Variants in KCNB2 observed in about 807,000 individuals in gnomAD.
KCNB2 encodes the protein delayed rectifier potassium channel protein.
Under a neutral mutation model 61.5 loss-of-function variants are expected in KCNB2, and 15 were observed. That is an observed-to-expected ratio of 0.24 (90% CI 0.16 to 0.38). The LOEUF (loss-of-function observed/expected upper bound fraction) is 0.38, where lower values mean the gene tolerates loss of function less well. Ranked by LOEUF, KCNB2 falls within the 10% of genes least tolerant of loss-of-function variation. The probability of loss-of-function intolerance (pLI) is 1.00; values close to 1 mark genes in which losing one functional copy is unlikely to be tolerated. For missense variants in KCNB2, 828 were observed against 1,125.2 expected, an observed-to-expected ratio of 0.74 and a Z score of 3.78; for synonymous variants, 457 against 446.0, an observed-to-expected ratio of 1.02 and a Z score of -0.31.
In KCNB2 at chr8:72,900,923, A is replaced by T. The variant is rs1056029840; in HGVS notation, c.580-35012A>T. On this transcript the variant is annotated intron_variant, in intron 2 of 2. Transcript: ENST00000523207. The stretch of plus-strand genomic sequence containing the variant: ...ATGTAATTGGTTCAGTCTCTGTGGA[A>T]AGCAGTTTGAAAGTTTCTCAAAGAG... 4.6e-5 allele frequency among the ~76,000 whole-genome samples: 7 copies of T among 152,322 alleles called. No individual in the cohort carries two copies. In the East Asian group the frequency reaches 1.4e-3, roughly 29 times the overall value.
At chr8:72,583,932 TACA>T (rs1316913809) in intron 2 of KCNB2, among the ~76,000 whole-genome samples, 1 of 116,790 alleles carries the variant, frequency 8.6e-6, no homozygotes, top group Non-Finnish European at 1.7e-5. Context: ...TTTCAACAGT[TACA>T]ACAATAGAAT....
At chr8:72,561,699 A>ATGTG (rs1423331750) in intron 1 of KCNB2, among the ~76,000 whole-genome samples, 1 of 18,780 alleles carries the variant, frequency 5.3e-5, no homozygotes, top group Non-Finnish European at 7.6e-5. Flanking sequence ...TTTTATATAT[A>ATGTG]TATATATATA....
chr8:72,753,739 T>C (rs1808241244), intron 2 of KCNB2, among the ~76,000 whole-genome samples: 1 of 152,204 alleles, frequency 6.6e-6, no homozygotes, highest in South Asian at 2.1e-4. Flanking sequence ...CTCTTTCCAC[T>C]AAACCACTGC....
chr8:72,750,141 G>C (rs1342017678), intron 2 of KCNB2: 1 of 152,014 alleles, frequency 6.6e-6, no homozygotes, highest in Non-Finnish European at 1.5e-5. Context: ...GGTCACAACT[G>C]TATATAACCT....
chr8:72,899,552 C>T (rs1806051437), intron 2 of KCNB2, among the ~76,000 whole-genome samples: 1 of 152,108 alleles, frequency 6.6e-6, no homozygotes, highest in Admixed American at 6.5e-5. Flanking sequence ...AATCAATGTA[C>T]AAAAATCAGT....
At chr8:72,801,173 A>G (rs1809119466) in intron 2 of KCNB2, among the ~76,000 whole-genome samples, 1 of 152,242 alleles carries the variant, frequency 6.6e-6, no homozygotes, top group African/African-American at 2.4e-5. Flanking sequence ...AGTCTTTTGA[A>G]TTAAAAATAT....
intron 2 of KCNB2, among the ~76,000 whole-genome samples, chr8:72,625,425 T>C (rs568191657): frequency 5.3e-5 from 8 of 152,224 alleles, no homozygotes; most frequent in African/African-American, 1.9e-4. Context: ...AAATATTTAT[T>C]TTTAACTTTT....
intron 2 of KCNB2, among the ~76,000 whole-genome samples, chr8:72,623,951 C>T (rs903480250): frequency 1.3e-5 from 2 of 152,102 alleles, no homozygotes; most frequent in African/African-American, 4.8e-5. Context: ...TCTTTCATGT[C>T]CCCCCAGATG....
intron 2 of KCNB2, among the ~76,000 whole-genome samples, chr8:72,913,127 T>C (rs1394368444): frequency 2.6e-5 from 4 of 152,192 alleles, no homozygotes; most frequent in Non-Finnish European, 5.9e-5. Context: ...AAAGATAAGT[T>C]ATTTTATCTC....
chr8:72,865,744 A>G (rs1805506679), intron 2 of KCNB2, among the ~76,000 whole-genome samples: 1 of 143,672 alleles, frequency 7.0e-6, no homozygotes, highest in Non-Finnish European at 1.6e-5. Flanking sequence ...TCTTCAACTC[A>G]CTGCCTCTTA....
Position 72,711,117 on chromosome 8 carries a change from G to A in KCNB2, c.579+142804G>A, listed in dbSNP as rs115843937. 9.7e-3 allele frequency among the ~76,000 whole-genome samples: 1,473 copies of A among 152,336 alleles called. 25 individuals carry two copies. Among genetic ancestry groups the A allele is most frequent in the African/African-American group, 0.032 (1,346 of 41,576 alleles). On this transcript the variant is annotated intron_variant, in intron 2 of 2. Transcript: ENST00000523207. Reference sequence around the variant, plus strand: ...CTGACTGATGGAGCGCCAGTATCTAGAAAGTTGCTGATTCTCATGGCAGAG... The same window carrying A: ...CTGACTGATGGAGCGCCAGTATCTAAAAAGTTGCTGATTCTCATGGCAGAG...
chr8:72,628,167 T>A lies in KCNB2; in HGVS notation c.579+59854T>A, dbSNP rs546955595. Among the ~76,000 whole-genome samples, 55 of 152,310 alleles carry A rather than the reference T, an allele frequency of 3.6e-4. No homozygotes were observed. The East Asian group carries it at 0.01, about 28-fold the overall frequency. On this transcript the variant is annotated intron_variant, in intron 2 of 2. Transcript: ENST00000523207. ...CAGGGTTTTGGCATGTTGCCCAGGC[T>A]GCTCTCAAACTCCTGGCCTCATGTC...
At chr8:72,604,165 T>C (rs1215039729) in intron 2 of KCNB2, among the ~76,000 whole-genome samples, 5 of 152,206 alleles carry the variant, frequency 3.3e-5, no homozygotes, top group Non-Finnish European at 7.3e-5. Flanking sequence ...TTTTCTCATC[T>C]GTAAAATGGT....
In KCNB2 at chr8:72,613,050, A is replaced by G. The variant is rs184642306; in HGVS notation, c.579+44737A>G. Reference sequence around the variant, plus strand: ...CAATCTCACAAATAAATGTCGTGGAATAAAAGAAAACTAGATAACAATGGC... The same window carrying G: ...CAATCTCACAAATAAATGTCGTGGAGTAAAAGAAAACTAGATAACAATGGC... On this transcript the variant is annotated intron_variant, in intron 2 of 2. Transcript: ENST00000523207. Among the ~76,000 whole-genome samples, 50 of 152,338 alleles carry G rather than the reference A, an allele frequency of 3.3e-4. 1 individual carries two copies. The highest frequency in any genetic ancestry group is 2.7e-3 in the Admixed American group (41 of 15,292).
At chr8:72,865,681 G>C (rs1475918634) in intron 2 of KCNB2, among the ~76,000 whole-genome samples, 4 of 152,138 alleles carry the variant, frequency 2.6e-5, no homozygotes, top group African/African-American at 4.8e-5. Context: ...TTGACTTTCA[G>C]AGTTGCCAAC....
intron 2 of KCNB2, among the ~76,000 whole-genome samples, chr8:72,589,685 G>T (rs1807062512): frequency 6.6e-6 from 1 of 151,914 alleles, no homozygotes; most frequent in African/African-American, 2.4e-5. Context: ...GAATTTTTCA[G>T]GAATACAACA....
intron 2 of KCNB2, among the ~76,000 whole-genome samples, chr8:72,796,306 T>C (rs1048157305): frequency 3.9e-5 from 6 of 152,198 alleles, no homozygotes; most frequent in Non-Finnish European, 7.3e-5. Flanking sequence ...CATATCTCCC[T>C]GGGTTTTCAT....
chr8:72,840,104 C>T (rs1809855313), intron 2 of KCNB2, among the ~76,000 whole-genome samples: 1 of 152,108 alleles, frequency 6.6e-6, no homozygotes, highest in African/African-American at 2.4e-5. Context: ...TGTTCCCCTC[C>T]CTGTGTCCAT....
At chr8:72,797,589 T>C (rs1198366197) in intron 2 of KCNB2, among the ~76,000 whole-genome samples, 2 of 152,196 alleles carry the variant, frequency 1.3e-5, no homozygotes, top group Admixed American at 6.5e-5. Flanking sequence ...AGTAGCTTAA[T>C]AAAGTGAAAT....
Sources: allele counts gnomAD v4.1 joint callset (sites outside exome capture counted in the v4.1 genomes callset), GRCh38; gene constraint gnomAD v4.1.1; transcripts MANE v1.5; gene names NCBI Gene and HGNC (gene_info 2026-07-23, HGNC 2026-07-21).